CTNNA3: variants seen among roughly 807,000 people sequenced by gnomAD.
The protein encoded by CTNNA3 is catenin alpha 3, also known as catenin alpha-3.
Under a neutral mutation model 95.7 loss-of-function variants are expected in CTNNA3, and 76 were observed. That is an observed-to-expected ratio of 0.79 (90% CI 0.66 to 0.96). CTNNA3 has a LOEUF of 0.96. CTNNA3 is among the 40% of genes least tolerant of loss of function. CTNNA3 has a pLI of 0.00. For synonymous variants in CTNNA3, 431 were observed against 374.4 expected (o/e 1.15, Z -1.74); for missense variants, 1,191 against 1,089.8 (o/e 1.09, Z -1.31).
At chr10:66,453,634 AG>A (rs2093478645) in intron 11 of CTNNA3, among the ~76,000 whole-genome samples, 1 of 152,234 alleles carries the variant, frequency 6.6e-6, no homozygotes, top group African/African-American at 2.4e-5. Flanking sequence ...ACCACCTCTC[AG>A]GTCAGAGACT....
intron 3 of CTNNA3, among the ~76,000 whole-genome samples, chr10:67,587,452 T>G (rs1324940311): frequency 1.3e-5 from 2 of 152,090 alleles, no homozygotes; most frequent in East Asian, 1.9e-4. Context: ...TGTTTATTTC[T>G]CCTTCATTTA....
chr10:66,719,033 T>C (rs923474168), intron 9 of CTNNA3, among the ~76,000 whole-genome samples: 8 of 152,196 alleles, frequency 5.3e-5, no homozygotes, highest in African/African-American at 1.7e-4. Context: ...ACTTATACTT[T>C]GACTTCAGTG....
intron 7 of CTNNA3, among the ~76,000 whole-genome samples, chr10:66,954,416 C>T (rs1300677847): frequency 6.6e-6 from 1 of 152,014 alleles, no homozygotes; most frequent in Non-Finnish European, 1.5e-5. Flanking sequence ...CTTAAAATAG[C>T]GAAAATAATG....
chr10:66,387,518 A>G (rs1173692032), intron 11 of CTNNA3, among the ~76,000 whole-genome samples: 1 of 152,166 alleles, frequency 6.6e-6, no homozygotes, highest in East Asian at 1.9e-4. Flanking sequence ...TGGTTCAACC[A>G]TTGTGGAAGA....
At chr10:66,367,824 T>C (rs2132451254) in intron 12 of CTNNA3, among the ~76,000 whole-genome samples, 1 of 147,130 alleles carries the variant, frequency 6.8e-6, no homozygotes, top group African/African-American at 2.5e-5. Context: ...TTATTCTGGT[T>C]TTCTGCATCT....
At chr10:66,242,599 T>C (rs988494055) in intron 13 of CTNNA3, among the ~76,000 whole-genome samples, 1 of 152,180 alleles carries the variant, frequency 6.6e-6, no homozygotes, top group African/African-American at 2.4e-5. Flanking sequence ...TTTACACTTA[T>C]AAGAGTGAGT....
intron 10 of CTNNA3, among the ~76,000 whole-genome samples, chr10:66,601,156 T>C (rs1333271232): frequency 1.3e-5 from 2 of 151,868 alleles, no homozygotes; most frequent in Non-Finnish European, 2.9e-5. Context: ...GAAGAGGTCA[T>C]CTTTTCCTTT....
Position 67,518,437 on chromosome 10 carries a change from T to C in CTNNA3, c.579+3405A>G, listed in dbSNP as rs1839885379. Among the ~76,000 whole-genome samples, 9 of 152,284 alleles carry C rather than the reference T, an allele frequency of 5.9e-5. No homozygotes were observed. The South Asian group carries it at 1.9e-3, about 32-fold the overall frequency. On this transcript the variant is annotated intron_variant, in intron 5 of 17. Coordinates refer to ENST00000433211, the MANE Select transcript of CTNNA3 (RefSeq NM_013266.4). ...GTCAGAAGGCAAGAATAGTATGCCG[T>C]GATCAGAGAGACAAGAATCAGATAC...
intron 5 of CTNNA3, among the ~76,000 whole-genome samples, chr10:67,237,087 C>A (rs989376709): frequency 1.5e-5 from 2 of 132,646 alleles, no homozygotes; most frequent in African/African-American, 5.4e-5. Context: ...AACCCAAATG[C>A]CCATCAATCA....
chr10:66,856,009 G>A (rs1484896539), intron 7 of CTNNA3, among the ~76,000 whole-genome samples: 2 of 151,914 alleles, frequency 1.3e-5, no homozygotes, highest in African/African-American at 4.8e-5. Context: ...CAGGGGTTTG[G>A]TGTACAGATC....
At chr10:66,248,648 G>C (rs930437935) in intron 13 of CTNNA3, among the ~76,000 whole-genome samples, 1 of 152,112 alleles carries the variant, frequency 6.6e-6, no homozygotes, top group African/African-American at 2.4e-5. Context: ...AAGAAACAAA[G>C]AAAGTGATTA....
chr10:66,471,936 C>A (rs1338628058), intron 11 of CTNNA3, among the ~76,000 whole-genome samples: 1 of 151,916 alleles, frequency 6.6e-6, no homozygotes, highest in African/African-American at 2.4e-5. Context: ...TATTCCAAAT[C>A]TTTTATGGGT....
intron 7 of CTNNA3, among the ~76,000 whole-genome samples, chr10:67,088,289 G>T (rs10997499): frequency 3.3e-5 from 5 of 151,642 alleles, no homozygotes; most frequent in African/African-American, 9.7e-5. Flanking sequence ...TTCACTGAAG[G>T]AATGAGTGAA....
chr10:67,200,147 T>C (rs10823005), intron 6 of CTNNA3, among the ~76,000 whole-genome samples: 43,460 of 151,882 alleles, frequency 0.29, 8,821 homozygotes, highest in African/African-American at 0.58. Flanking sequence ...AAAACTAATA[T>C]AGGAAGAAAT....
At chr10:66,410,035 T>C (rs981934461) in intron 11 of CTNNA3, among the ~76,000 whole-genome samples, 7 of 152,234 alleles carry the variant, frequency 4.6e-5, no homozygotes, top group Non-Finnish European at 8.8e-5. Flanking sequence ...GATTAAGTAA[T>C]CTGTGCTAAA....
At chr10:67,310,607 C>G (rs1260727076) in intron 5 of CTNNA3, among the ~76,000 whole-genome samples, 2 of 152,194 alleles carry the variant, frequency 1.3e-5, no homozygotes, top group East Asian at 3.8e-4. Flanking sequence ...CACAGTTTCA[C>G]ATGGCTGGGA....
intron 1 of CTNNA3, among the ~76,000 whole-genome samples, chr10:67,669,627 A>C (rs1840394850): frequency 1.3e-5 from 2 of 152,200 alleles, no homozygotes; most frequent in East Asian, 3.8e-4. Flanking sequence ...TTACTTATAA[A>C]ATTACACATA....
intron 11 of CTNNA3, among the ~76,000 whole-genome samples, chr10:66,481,524 TG>T (rs1839531586): frequency 7.7e-6 from 1 of 129,622 alleles, no homozygotes; most frequent in South Asian, 2.6e-4. Flanking sequence ...CAGGCTGGAC[TG>T]CAGTGGCACG....
chr10:67,519,464 G>A (rs1839917701), intron 5 of CTNNA3, among the ~76,000 whole-genome samples: 1 of 152,160 alleles, frequency 6.6e-6, no homozygotes, highest in Non-Finnish European at 1.5e-5. Context: ...TGGTATCCAG[G>A]AAACCAAAGG....
Sources: gnomAD v4.1 joint callset for allele counts (sites outside exome capture counted in the v4.1 genomes callset) on GRCh38, gnomAD v4.1.1 for gene constraint, MANE v1.5 for transcripts, NCBI Gene and HGNC (gene_info 2026-07-23, HGNC 2026-07-21) for gene names.